Variants in COL24A1 observed in about 807,000 individuals in gnomAD.
COL24A1 encodes the protein collagen type XXIV alpha 1 chain, also known as collagen alpha-1(XXIV) chain.
Under a neutral mutation model 253.9 loss-of-function variants are expected in COL24A1, and 224 were observed. That is an observed-to-expected ratio of 0.88 (90% CI 0.79 to 0.99). COL24A1 has a LOEUF of 0.99. Among genes scored for constraint, COL24A1 ranks in the 50% least tolerant of loss-of-function variants. The pLI, the probability that COL24A1 is intolerant of heterozygous loss-of-function variation, is 0.00. For synonymous variants in COL24A1, 685 were observed against 673.7 expected, an observed-to-expected ratio of 1.02 and a Z score of -0.26; for missense variants, 2,131 against 2,068.5, an observed-to-expected ratio of 1.03 and a Z score of -0.59.
At chr1:85,974,183 A>T (rs988485845) in intron 20 of COL24A1, among the ~76,000 whole-genome samples, 4 of 152,106 alleles carry the variant, frequency 2.6e-5, no homozygotes, top group African/African-American at 9.7e-5. Context: ...GCAGATAGAG[A>T]CCACAAGAAC....
chr1:85,798,925 A>G (rs530374088), intron 47 of COL24A1, among the ~76,000 whole-genome samples: 1 of 152,278 alleles, frequency 6.6e-6, no homozygotes, highest in African/African-American at 2.4e-5. Flanking sequence ...TTGGTGATAA[A>G]TGGATTTATG....
intron 32 of COL24A1, among the ~76,000 whole-genome samples, chr1:85,885,936 T>G (rs2102704440): frequency 6.6e-6 from 1 of 152,248 alleles, no homozygotes; most frequent in Admixed American, 6.5e-5. Context: ...ATTTGTCAGG[T>G]TTTTCTTTTA....
chr1:85,871,545 T>C (rs1680491855), intron 35 of COL24A1, among the ~76,000 whole-genome samples: 1 of 152,092 alleles, frequency 6.6e-6, no homozygotes, highest in Non-Finnish European at 1.5e-5. Flanking sequence ...GTTCAACATA[T>C]GCGAATCAAT....
At chr1:85,830,058 C>T (rs1674987180) in intron 43 of COL24A1, among the ~76,000 whole-genome samples, 2 of 152,050 alleles carry the variant, frequency 1.3e-5, no homozygotes, top group Non-Finnish European at 2.9e-5. Flanking sequence ...GTGGTTTTAT[C>T]TACTTTTGGT....
chr1:85,922,818 T>C (rs1686683799), intron 24 of COL24A1, among the ~76,000 whole-genome samples: 2 of 152,156 alleles, frequency 1.3e-5, no homozygotes, highest in African/African-American at 4.8e-5. Context: ...CACATAACAA[T>C]ATTAACCTTA....
chr1:85,873,080 A>C (rs1290175665), intron 35 of COL24A1, among the ~76,000 whole-genome samples: 2 of 152,232 alleles, frequency 1.3e-5, no homozygotes, highest in African/African-American at 2.4e-5. Context: ...AGACACATGA[A>C]AAAATGCTCA....
intron 1 of COL24A1, chr1:86,155,637 G>GC (rs529843319): frequency 6.6e-6 from 1 of 152,432 alleles, no homozygotes; most frequent in African/African-American, 2.4e-5. Context: ...GGGCAGGCCC[G>GC]CCCCCGTGTC....
Position 85,784,144 on chromosome 1 carries a change from A to G in COL24A1, c.4190T>C (p.Leu1397Ser). ...GQPGEYGVQG[L>S]TGFQGFPGPK... ...GCCTGGGAATCCTTGGAAACCTGTC[A>G]AACCTTGAACACCATATTCTCCCTG... The change falls in exon 50 of 60, where the codon TTG (leucine) becomes TCG (serine). Residue 1397 changes from leucine (L) to serine (S), a missense_variant. Physicochemically the swap from Leu to Ser is moderately radical, Grantham distance 145 (BLOSUM62 -2). Coordinates refer to ENST00000370571, the MANE Select transcript of COL24A1 (RefSeq NM_152890.7). The G allele has an allele frequency of 6.2e-7, 1 of 1,613,752 alleles. No individual in the cohort carries two copies. Among genetic ancestry groups the G allele is most frequent in the Non-Finnish European group, 8.5e-7 (1 of 1,179,752 alleles).
chr1:85,843,010 AAAAC>A (rs577624333), intron 39 of COL24A1, among the ~76,000 whole-genome samples: 248 of 152,262 alleles, frequency 1.6e-3, no homozygotes, highest in Middle Eastern at 6.8e-3. Flanking sequence ...TTGAAAAAGT[AAAAC>A]AAACAAACAA....
At chr1:86,131,915 T>C (rs1463886174) in intron 2 of COL24A1, among the ~76,000 whole-genome samples, 2 of 152,222 alleles carry the variant, frequency 1.3e-5, no homozygotes, top group African/African-American at 2.4e-5. Context: ...TTTCTAGTTT[T>C]AGATCCCTGA....
At chr1:86,108,409 C>T (rs951467742) in intron 5 of COL24A1, among the ~76,000 whole-genome samples, 1 of 151,908 alleles carries the variant, frequency 6.6e-6, no homozygotes, top group Non-Finnish European at 1.5e-5. Flanking sequence ...CCATCTCTAG[C>T]TTTAACTCTC....
At chr1:85,847,813 T>A (rs1677307112) in intron 38 of COL24A1, 41 bp from the exon 39 acceptor site, 3 of 1,310,546 alleles carry the variant, frequency 2.3e-6, no homozygotes, top group Admixed American at 1.7e-5. Flanking sequence ...AAGAAAAAAA[T>A]TTATACTTAG....
intron 47 of COL24A1, among the ~76,000 whole-genome samples, chr1:85,803,442 A>C (rs1183451043): frequency 5.3e-5 from 8 of 151,488 alleles, no homozygotes; most frequent in South Asian, 2.1e-4. Context: ...AAAAAAAAAA[A>C]AAACCATAAA....
At chr1:85,962,175 G>T (rs768067766) in intron 23 of COL24A1, among the ~76,000 whole-genome samples, 12 of 152,106 alleles carry the variant, frequency 7.9e-5, no homozygotes, top group Non-Finnish European at 2.9e-5. Flanking sequence ...CATGCCACAG[G>T]TTAAGTACTA....
intron 59 of COL24A1, among the ~76,000 whole-genome samples, chr1:85,732,437 G>A (rs898932925): frequency 6.6e-6 from 1 of 151,770 alleles, no homozygotes; most frequent in Non-Finnish European, 1.5e-5. Context: ...CACCGTGTTA[G>A]CCAGGATGGT....
At chr1:85,767,893 A>C (rs141737764) in intron 53 of COL24A1, among the ~76,000 whole-genome samples, 1 of 152,358 alleles carries the variant, frequency 6.6e-6, no homozygotes, top group South Asian at 2.1e-4. Context: ...ATTACATGGC[A>C]AGTTCTGTTC....
intron 1 of COL24A1, among the ~76,000 whole-genome samples, chr1:86,147,942 T>C (rs1652135143): frequency 6.6e-6 from 1 of 152,214 alleles, no homozygotes; most frequent in South Asian, 2.1e-4. Flanking sequence ...GAAGCACTTG[T>C]GAGCAATCAC....
At chr1:85,965,409 G>C (rs1691466488) in intron 22 of COL24A1, among the ~76,000 whole-genome samples, 1 of 152,012 alleles carries the variant, frequency 6.6e-6, no homozygotes. Context: ...AAGCAGGGAA[G>C]GGATATATAA....
intron 7 of COL24A1, among the ~76,000 whole-genome samples, chr1:86,080,089 A>G (rs1702522104): frequency 6.6e-6 from 1 of 152,198 alleles, no homozygotes; most frequent in South Asian, 2.1e-4. Flanking sequence ...CTATTCAGCC[A>G]TACAAAAAAT....
Sources: gnomAD v4.1 joint callset for allele counts (sites outside exome capture counted in the v4.1 genomes callset) on GRCh38, gnomAD v4.1.1 for gene constraint, MANE v1.5 for transcripts, NCBI Gene and HGNC (gene_info 2026-07-23, HGNC 2026-07-21) for gene names.